Variants in TPRKB observed in about 807,000 individuals in gnomAD.
The protein encoded by TPRKB is EKC/KEOPS complex subunit TPRKB.
A neutral mutation model predicts 17.8 loss-of-function variants in TPRKB; 11 were observed. The ratio of observed to expected loss-of-function variants is 0.62; its 90% CI spans 0.39 to 1.02. The LOEUF is 1.02. Ranked by LOEUF, TPRKB falls within the 50% of genes least tolerant of loss-of-function variation. TPRKB has a pLI of 0.00. For synonymous variants in TPRKB, 71 were observed against 69.5 expected, an observed-to-expected ratio of 1.02 and a Z score of -0.11; for missense variants, 228 against 198.0, an observed-to-expected ratio of 1.15 and a Z score of -0.91.
At chr2:73,733,246 G>GTTTTTTTTTTTTTTTTTTTT (rs3076394) in intron 2 of TPRKB, among the ~76,000 whole-genome samples, 3 of 119,378 alleles carry the variant, frequency 2.5e-5, no homozygotes, top group African/African-American at 5.9e-5. Context: ...CGTGTGCCCT[G>GTTTTTTTTTTTTTTTTTTTT]TTTTTTTGTT....
chr2:73,730,186 C>T (rs1374067986), intron 4 of TPRKB, 157 bp from the exon 5 acceptor site: 8 of 874,634 alleles, frequency 9.1e-6, no homozygotes, highest in Non-Finnish European at 1.3e-5. Flanking sequence ...AAGTAGAGGG[C>T]AATTCATTAC....
At chr2:73,730,085 G>A in intron 4 of TPRKB, 56 bp from the exon 5 acceptor site, 1 of 1,482,336 alleles carries the variant, frequency 6.7e-7, no homozygotes, top group Admixed American at 2.4e-5. Context: ...ACTACTAATT[G>A]TCATTATACA....
chr2:73,732,057 G>T, intron 3 of TPRKB, 106 bp downstream of exon 3: 1 of 1,279,662 alleles, frequency 7.8e-7, no homozygotes, highest in Non-Finnish European at 1.1e-6. Flanking sequence ...TATTATTTGG[G>T]TTTATTACTA....
chr2:73,734,513 T>A lies in TPRKB; in HGVS notation c.57A>T (p.Leu19Phe). 1 of 1,614,130 alleles carries A rather than the reference T, an allele frequency of 6.2e-7. No homozygotes were observed. The highest frequency in any genetic ancestry group is 8.5e-7 in the Non-Finnish European group (1 of 1,180,000). The change falls in exon 2 of 5, where the codon TTA becomes TTT. Residue 19 changes from leucine (L) to phenylalanine (F), a missense_variant. By Grantham distance (22) the Leu-to-Phe change is conservative. Coordinates refer to ENST00000272424, the MANE Select transcript of TPRKB (RefSeq NM_016058.5). ...CTCCCGCATTTTTTACATCTTTAAA[T>A]AACAGAAGGGTTACCCTGCATTCGG... ...LFPECRVTLL[L>F]FKDVKNAGDL...
chr2:73,730,859 T>G, intron 3 of TPRKB, 123 bp from the exon 4 acceptor site: 1 of 623,354 alleles, frequency 1.6e-6, no homozygotes, highest in Non-Finnish European at 2.5e-6. Flanking sequence ...CTAACAGTTC[T>G]CACTGCCTAC....
intron 1 of TPRKB, among the ~76,000 whole-genome samples, chr2:73,736,132 T>A (rs1274384058): frequency 6.6e-6 from 1 of 152,188 alleles, no homozygotes; most frequent in Non-Finnish European, 1.5e-5. Context: ...TTAGAATTAA[T>A]TTGACTTTTT....
At chr2:73,736,605 C>A (rs1309376801) in intron 1 of TPRKB, among the ~76,000 whole-genome samples, 1 of 152,184 alleles carries the variant, frequency 6.6e-6, no homozygotes, top group African/African-American at 2.4e-5. Context: ...CCGTAAAGTC[C>A]TGAATTTTCA....
At chr2:73,732,440 G>T in intron 2 of TPRKB, 155 bp from the exon 3 acceptor site, 2 of 852,520 alleles carry the variant, frequency 2.3e-6, no homozygotes, top group Non-Finnish European at 3.5e-6. Context: ...GGCTGGGCAC[G>T]GTGGCTCACA....
At chr2:73,731,217 G>C (rs1210931004) in intron 3 of TPRKB, 1 of 152,490 alleles carries the variant, frequency 6.6e-6, no homozygotes, top group East Asian at 1.9e-4. Flanking sequence ...CAAAATGAAT[G>C]GCTTCATTGC....
chr2:73,730,099 A>G (rs1671528477), intron 4 of TPRKB, 70 bp from the exon 5 acceptor site: 1 of 1,452,022 alleles, frequency 6.9e-7, no homozygotes, highest in Non-Finnish European at 9.2e-7. Flanking sequence ...TTATACAAAC[A>G]TGTGTAAGTG....
rs943006359 is a variant in TPRKB, at chr2:73,730,754, A to G, written c.265-18T>C. On this transcript the variant is annotated intron_variant, in intron 3 of 4. Transcript: ENST00000272424. ...TCTGAAATCTAAGAGAAAAAAAATG[A>G]AAAAAAAAACACAAGATCATTAACC... The G allele has an allele frequency of 3.5e-6, 5 of 1,417,354 alleles. No homozygotes were observed. The highest frequency in any genetic ancestry group is 4.7e-6 in the Non-Finnish European group (5 of 1,070,468). The allele number at this position is 1,417,354 out of a possible 1,614,324, so 87.8% of individuals were successfully genotyped here. A position where few individuals can be genotyped will look rare whatever the true frequency, so the allele number is the denominator to read the frequency against.
intron 1 of TPRKB, among the ~76,000 whole-genome samples, chr2:73,735,990 A>C (rs1375354800): frequency 6.6e-6 from 1 of 152,216 alleles, no homozygotes; most frequent in African/African-American, 2.4e-5. Flanking sequence ...AAACGGCAAT[A>C]AATAACATTA....
chr2:73,737,127 A>G (rs1056191796), intron 1 of TPRKB, among the ~76,000 whole-genome samples, 175 bp downstream of exon 1: 1 of 152,116 alleles, frequency 6.6e-6, no homozygotes, highest in African/African-American at 2.4e-5. Context: ...TCTCCTCACT[A>G]AACTATTTCT....
At chr2:73,734,720 A>G (rs1671799554) in intron 1 of TPRKB, 129 bp from the exon 2 acceptor site, 4 of 845,112 alleles carry the variant, frequency 4.7e-6, no homozygotes, top group Non-Finnish European at 7.0e-6. Flanking sequence ...TCCATCGCCA[A>G]AGCCCATTTG....
chr2:73,735,634 T>A (rs912661997), intron 1 of TPRKB, among the ~76,000 whole-genome samples: 1 of 152,212 alleles, frequency 6.6e-6, no homozygotes, highest in African/African-American at 2.4e-5. Context: ...GGTTATTATA[T>A]ATAAAGACAT....
At chr2:73,733,337 T>TA (rs2103855581) in intron 2 of TPRKB, among the ~76,000 whole-genome samples, 1 of 145,318 alleles carries the variant, frequency 6.9e-6, no homozygotes, top group Non-Finnish European at 1.5e-5. Context: ...CAATTCACTG[T>TA]AACCTCCGCC....
chr2:73,732,236 A>C lies in TPRKB; in HGVS notation c.191T>G (p.Leu64Arg). The C allele has an allele frequency of 6.2e-7, 1 of 1,614,008 alleles. No individual in the cohort carries two copies. Among genetic ancestry groups the C allele is most frequent in the Non-Finnish European group, 8.5e-7 (1 of 1,179,938 alleles). The change falls in exon 3 of 5, where the codon CTC becomes CGC. Residue 64 changes from leucine (L) to arginine (R), a missense_variant. Physicochemically the swap from Leu to Arg is moderately radical, Grantham distance 102 (BLOSUM62 -2). Transcript: ENST00000272424. ...ILVAANKAVHLYKLGKMKTRT... is the reference protein window; with the variant it reads ...ILVAANKAVHRYKLGKMKTRT... ...TGTCTTCATTTTTCCCAGTTTGTAG[A>C]GGTGAACTGCTTTGTTTGCTGCCAC...
chr2:73,730,527 T>C (rs747076355), intron 4 of TPRKB, 33 bp downstream of exon 4: 58 of 1,493,276 alleles, frequency 3.9e-5, no homozygotes, highest in Non-Finnish European at 4.9e-5. Flanking sequence ...TGCTCATCTA[T>C]CACACTCTTT....
chr2:73,731,982 A>G (rs1671632172), intron 3 of TPRKB, 181 bp downstream of exon 3: 1 of 561,594 alleles, frequency 1.8e-6, no homozygotes, highest in Non-Finnish European at 2.9e-6. Context: ...TTGTTTACTC[A>G]TATGTAAACT....
Sources: gnomAD v4.1 joint callset for allele counts (sites outside exome capture counted in the v4.1 genomes callset) on GRCh38, gnomAD v4.1.1 for gene constraint, MANE v1.5 for transcripts, NCBI Gene and HGNC (gene_info 2026-07-23, HGNC 2026-07-21) for gene names.